The following PRKAB2 variants were observed in gnomAD, a reference collection of about 807,000 sequenced individuals.
PRKAB2 encodes the protein protein kinase AMP-activated non-catalytic subunit beta 2, also known as 5'-AMP-activated protein kinase subunit beta-2.
PRKAB2 carries 18 observed loss-of-function variants against 29.8 expected under a neutral mutation model. The observed-to-expected ratio is 0.60, with a 90% confidence interval of 0.42 to 0.89. PRKAB2 has a LOEUF of 0.89. Among genes scored for constraint, PRKAB2 ranks in the 40% least tolerant of loss-of-function variants. The pLI is 0.00. For missense variants in PRKAB2, 270 were observed against 344.3 expected, an observed-to-expected ratio of 0.78 and a Z score of 1.71; for synonymous variants, 136 against 125.9, an observed-to-expected ratio of 1.08 and a Z score of -0.54.
At chr1:147,161,525 A>C (rs1653959123) in intron 7 of PRKAB2, 187 bp downstream of exon 7, 1 of 521,170 alleles carries the variant, frequency 1.9e-6, no homozygotes, top group African/African-American at 1.9e-5. Context: ...AGCCAGCCAG[A>C]ACACAGAGAC....
In PRKAB2 at chr1:147,171,979, G is replaced by T; in HGVS notation, c.156+10C>A. 3 of 1,598,150 alleles carry T rather than the reference G, an allele frequency of 1.9e-6. No homozygotes were observed. The highest frequency in any genetic ancestry group is 1.7e-4 in the Middle Eastern group (1 of 5,972). On this transcript the variant is annotated intron_variant, in intron 2 of 7. Coordinates refer to ENST00000254101, the MANE Select transcript of PRKAB2 (RefSeq NM_005399.5). Reference sequence around the variant, plus strand: ...AGTACTGACACCAACTGCGGGCATGGGACGCTTACCTTGGAGTCAGGGAGG... The same window carrying T: ...AGTACTGACACCAACTGCGGGCATGTGACGCTTACCTTGGAGTCAGGGAGG...
intron 1 of PRKAB2, 118 bp from the exon 2 acceptor site, chr1:147,172,285 A>T (rs1654693618): frequency 8.7e-7 from 1 of 1,150,908 alleles, no homozygotes; most frequent in Non-Finnish European, 1.2e-6. Flanking sequence ...AGGGAAGCCG[A>T]GCCCTGGAGC....
intron 7 of PRKAB2, among the ~76,000 whole-genome samples, chr1:147,160,602 T>C (rs1279729165): frequency 5.9e-5 from 9 of 152,172 alleles, no homozygotes; most frequent in Admixed American, 1.3e-4. Context: ...TCCAGAGTCA[T>C]GCTGACACAA....
intron 5 of PRKAB2, among the ~76,000 whole-genome samples, chr1:147,162,933 T>A (rs1654044842): frequency 6.6e-6 from 1 of 152,232 alleles, no homozygotes; most frequent in Admixed American, 6.5e-5. Context: ...TATTTCATGA[T>A]GTTTTTAAGG....
chr1:147,161,294 G>A (rs2101617343), intron 7 of PRKAB2, among the ~76,000 whole-genome samples: 1 of 152,230 alleles, frequency 6.6e-6, no homozygotes, highest in African/African-American at 2.4e-5. Context: ...AAGCACCTGA[G>A]TATATATGAA....
Position 147,167,944 on chromosome 1 carries a change from G to A in PRKAB2, c.157-11C>T. The stretch of plus-strand genomic sequence containing the variant: ...TTTGTCCCCAGGGAGCTGTAAGAAG[G>A]AGTAGGTCATCCCTAGAATAAACTG... On this transcript the variant is annotated splice_polypyrimidine_tract_variant and intron_variant, in intron 2 of 7. Transcript: ENST00000254101. 1 of 1,608,090 alleles carries A rather than the reference G, an allele frequency of 6.2e-7. No individual in the cohort carries two copies.
chr1:147,163,601 A>G (rs950528226), intron 5 of PRKAB2, among the ~76,000 whole-genome samples: 8 of 152,190 alleles, frequency 5.3e-5, no homozygotes, highest in Non-Finnish European at 1.0e-4. Context: ...ACAAAAGACC[A>G]CATATTGTAG....
intron 7 of PRKAB2, among the ~76,000 whole-genome samples, chr1:147,160,222 G>A (rs1292318381): frequency 1.3e-5 from 2 of 152,118 alleles, no homozygotes; most frequent in Non-Finnish European, 2.9e-5. Flanking sequence ...CTTGAACAAA[G>A]TAGATGTCAA....
intron 3 of PRKAB2, among the ~76,000 whole-genome samples, chr1:147,167,299 T>G (rs982327852): frequency 6.6e-6 from 1 of 152,238 alleles, no homozygotes; most frequent in Non-Finnish European, 1.5e-5. Context: ...CAAGGTACTC[T>G]TTCCCTGTTT....
intron 5 of PRKAB2, among the ~76,000 whole-genome samples, chr1:147,163,016 T>C (rs1340644532): frequency 2.0e-5 from 3 of 152,166 alleles, no homozygotes; most frequent in Non-Finnish European, 4.4e-5. Flanking sequence ...GATTTTTTCT[T>C]TTTTCCAGCC....
At chr1:147,160,554 A>G (rs1553912947) in intron 7 of PRKAB2, among the ~76,000 whole-genome samples, 2 of 152,188 alleles carry the variant, frequency 1.3e-5, no homozygotes, top group Non-Finnish European at 2.9e-5. Context: ...CTTCCCCCGT[A>G]CTGTATTATC....
rs587669719 is a variant in PRKAB2, at chr1:147,168,522, A to T, written c.157-589T>A. On this transcript the variant is annotated intron_variant, in intron 2 of 7. Coordinates refer to ENST00000254101, the MANE Select transcript of PRKAB2 (RefSeq NM_005399.5). ...ATTTCTTAAAACTTGAGAAGTGGCT[A>T]TGAAATCTTACTTATTCCCCTATCC... is the stretch of plus-strand genomic sequence containing the variant. Among the ~76,000 whole-genome samples the T allele has an allele frequency of 4.9e-4, 75 of 152,380 alleles. 1 individual carries two copies. In the South Asian group the frequency reaches 0.014, roughly 29 times the overall value.
intron 2 of PRKAB2, among the ~76,000 whole-genome samples, chr1:147,169,983 T>G (rs1553914145): frequency 6.6e-6 from 1 of 152,188 alleles, no homozygotes; most frequent in East Asian, 1.9e-4. Flanking sequence ...AAACTATTAA[T>G]ATGCCTAGCT....
At position 147,157,712 on chromosome 1, in the gene PRKAB2, G is replaced by C. The variant is rs1332765105; in HGVS notation, c.*1853C>G. On this transcript the variant is annotated 3_prime_UTR_variant, in exon 8 of 8. Transcript: ENST00000254101. ...AGTACAACTGAAGGCTGTAAATCCTGAGAGTTGGTTATAATAGGATCTGGC... is the reference window on the plus strand; with the variant it reads ...AGTACAACTGAAGGCTGTAAATCCTCAGAGTTGGTTATAATAGGATCTGGC... 1 of 152,138 alleles carries C rather than the reference G, an allele frequency of 6.6e-6. No individual in the cohort carries two copies. Among genetic ancestry groups the C allele is most frequent in the Non-Finnish European group, 1.5e-5 (1 of 68,010 alleles). 9.4% of individuals were successfully genotyped at this position (152,138 alleles called of 1,614,324 possible).
intron 4 of PRKAB2, 107 bp downstream of exon 4, chr1:147,166,739 G>A (rs1208016006): frequency 1.3e-6 from 2 of 1,550,716 alleles, no homozygotes; most frequent in East Asian, 4.5e-5. Flanking sequence ...TTTATCAAGA[G>A]AGAAATCCTC....
At chr1:147,168,817 T>A (rs1273847912) in intron 2 of PRKAB2, among the ~76,000 whole-genome samples, 2 of 152,200 alleles carry the variant, frequency 1.3e-5, no homozygotes, top group Admixed American at 1.3e-4. Context: ...ATTGATTGAT[T>A]GAGAAAGGAC....
At chr1:147,160,827 TC>T (rs1458204775) in intron 7 of PRKAB2, 1 of 152,216 alleles carries the variant, frequency 6.6e-6, no homozygotes, top group Non-Finnish European at 1.5e-5. Flanking sequence ...AGCCTTAGTT[TC>T]TTTATCTATA....
At chr1:147,166,378 TCTCC>T in intron 5 of PRKAB2, 116 bp downstream of exon 5, 1 of 1,096,422 alleles carries the variant, frequency 9.1e-7, no homozygotes. Context: ...TGTCTCTCTC[TCTCC>T]TCCCCCCAAC....
In PRKAB2 at chr1:147,156,365, A is replaced by G. The variant is rs1553912432; in HGVS notation, c.*3200T>C. 1 of 152,560 alleles carries G rather than the reference A, an allele frequency of 6.6e-6. No individual in the cohort carries two copies. Among genetic ancestry groups the G allele is most frequent in the Non-Finnish European group, 1.5e-5 (1 of 68,022 alleles). 9.5% of individuals were successfully genotyped at this position (152,560 alleles called of 1,614,324 possible). ...AATATAAACCCAGTCTAGAGGTATC[A>G]CTTCTTTCCAAACTTAACTTCATTT... On this transcript the variant is annotated 3_prime_UTR_variant, in exon 8 of 8. Transcript: ENST00000254101.
Sources: allele counts gnomAD v4.1 joint callset (sites outside exome capture counted in the v4.1 genomes callset), GRCh38; gene constraint gnomAD v4.1.1; transcripts MANE v1.5; gene names NCBI Gene and HGNC (gene_info 2026-07-23, HGNC 2026-07-21).